NRXN3: variants seen among roughly 807,000 people sequenced by gnomAD.
NRXN3 encodes the protein neurexin III.
NRXN3 carries 32 observed loss-of-function variants against 137.6 expected under a neutral mutation model. The ratio of observed to expected loss-of-function variants is 0.23; its 90% CI spans 0.18 to 0.31. The LOEUF (loss-of-function observed/expected upper bound fraction) is 0.31. Ranked by LOEUF, NRXN3 falls within the 10% of genes least tolerant of loss-of-function variation. The pLI, the probability that NRXN3 is intolerant of heterozygous loss-of-function variation, is 1.00. For synonymous variants in NRXN3, 798 were observed against 784.5 expected (o/e 1.02, Z -0.29); for missense variants, 1,574 against 2,062.5 (o/e 0.76, Z 4.59).
chr14:78,443,980 C>T (rs1023452338), intron 4 of NRXN3, among the ~76,000 whole-genome samples: 1 of 152,084 alleles, frequency 6.6e-6, no homozygotes, highest in Non-Finnish European at 1.5e-5. Flanking sequence ...TTTCACCAAC[C>T]TAATAGTTTT....
intron 4 of NRXN3, among the ~76,000 whole-genome samples, chr14:78,353,050 G>A (rs889914477): frequency 6.6e-6 from 1 of 152,186 alleles, no homozygotes; most frequent in African/African-American, 2.4e-5. Context: ...TGCAAAAGGG[G>A]TAAAATTCTA....
chr14:79,162,569 A>C lies in NRXN3; in HGVS notation c.3262+174428A>C, dbSNP rs557738999. Among the ~76,000 whole-genome samples the C allele has an allele frequency of 5.1e-4, 78 of 151,956 alleles. 3 individuals are homozygous for C. The South Asian group carries it at 0.015, about 29-fold the overall frequency. On this transcript the variant is annotated intron_variant, in intron 15 of 20. Coordinates refer to ENST00000335750, the MANE Select transcript of NRXN3 (RefSeq NM_001330195.2). ...GAACAGACACTTCTCAAAAGAAGAC[A>C]TTTATGCAGCCAAAAAACACATGAA...
chr14:79,022,859 A>T lies in NRXN3; in HGVS notation c.3262+34718A>T, dbSNP rs565308284. ...TTCATTAGCCTTAATCAGGGCCCAC[A>T]TTACCTCAGATCAGGTAATCGGTTA... On this transcript the variant is annotated intron_variant, in intron 15 of 20. Coordinates refer to ENST00000335750, the MANE Select transcript of NRXN3 (RefSeq NM_001330195.2). Among the ~76,000 whole-genome samples, 62 of 152,304 alleles carry T rather than the reference A, an allele frequency of 4.1e-4. No individual in the cohort carries two copies. In the South Asian group the frequency reaches 0.013, roughly 31 times the overall value.
chr14:79,373,392 A>C (rs2094168378), intron 15 of NRXN3, among the ~76,000 whole-genome samples: 1 of 152,218 alleles, frequency 6.6e-6, no homozygotes, highest in South Asian at 2.1e-4. Context: ...GCTGCTGAAC[A>C]ATATGTAATT....
chr14:79,481,951 G>A (rs1263330046), intron 16 of NRXN3, among the ~76,000 whole-genome samples: 4 of 152,112 alleles, frequency 2.6e-5, no homozygotes, highest in African/African-American at 7.2e-5. Context: ...GGGGACATCT[G>A]ATTGTCAGAA....
rs2060464100 is a variant in NRXN3, at chr14:78,188,817, G to T, written c.-704+18143G>T. On this transcript the variant is annotated intron_variant, in intron 1 of 20. Coordinates refer to ENST00000335750, the MANE Select transcript of NRXN3 (RefSeq NM_001330195.2). ...CATACCTACCCTACGGATTCCTACGGGTTGGTTGGGAATATTGAGGAGTTA... is the reference window on the plus strand; with the variant it reads ...CATACCTACCCTACGGATTCCTACGTGTTGGTTGGGAATATTGAGGAGTTA... Among the ~76,000 whole-genome samples the T allele has an allele frequency of 2.6e-5, 4 of 152,076 alleles. No homozygotes were observed. In the South Asian group the frequency reaches 8.3e-4, roughly 32 times the overall value.
At chr14:78,241,782 A>G (rs1025792706) in intron 1 of NRXN3, among the ~76,000 whole-genome samples, 5 of 152,180 alleles carry the variant, frequency 3.3e-5, no homozygotes, top group Non-Finnish European at 7.3e-5. Flanking sequence ...TACAGGAGCT[A>G]GGATTCAAAC....
At chr14:78,921,281 G>A (rs927589414) in intron 10 of NRXN3, among the ~76,000 whole-genome samples, 3 of 152,190 alleles carry the variant, frequency 2.0e-5, no homozygotes, top group Non-Finnish European at 2.9e-5. Flanking sequence ...AAGGCACGGG[G>A]GATACAGTGG....
chr14:79,687,648 G>A (rs551428067), intron 17 of NRXN3, among the ~76,000 whole-genome samples: 66 of 152,264 alleles, frequency 4.3e-4, no homozygotes, highest in East Asian at 1.5e-3. Flanking sequence ...TTGCACAGAC[G>A]AATGTTGTTA....
chr14:79,451,768 T>G (rs2096176922), intron 15 of NRXN3, among the ~76,000 whole-genome samples: 1 of 152,212 alleles, frequency 6.6e-6, no homozygotes, highest in African/African-American at 2.4e-5. Context: ...TGGGTCTGAT[T>G]TGTTCTTACT....
intron 6 of NRXN3, among the ~76,000 whole-genome samples, chr14:78,706,018 T>A (rs2098343670): frequency 6.6e-6 from 1 of 152,156 alleles, no homozygotes; most frequent in African/African-American, 2.4e-5. Flanking sequence ...TCACTGCTCT[T>A]GTATCTTGTT....
chr14:79,463,386 C>CT (rs2096378433), intron 15 of NRXN3, among the ~76,000 whole-genome samples: 1 of 151,830 alleles, frequency 6.6e-6, no homozygotes, highest in Non-Finnish European at 1.5e-5. Context: ...CCAAAACACT[C>CT]TGTCAATATC....
intron 4 of NRXN3, among the ~76,000 whole-genome samples, chr14:78,584,548 T>C (rs966628825): frequency 6.6e-6 from 1 of 152,158 alleles, no homozygotes; most frequent in Admixed American, 6.5e-5. Flanking sequence ...CCCAAACAGC[T>C]CTCCTCCAGC....
chr14:78,208,552 A>G (rs2062432658), intron 1 of NRXN3, among the ~76,000 whole-genome samples: 2 of 152,358 alleles, frequency 1.3e-5, no homozygotes, highest in South Asian at 4.1e-4. Context: ...GTGGACACAG[A>G]TAACACTTCT....
rs368091424 is a variant in NRXN3, at chr14:78,615,775, CA to C, written c.758-29337del. 2.0e-5 allele frequency among the ~76,000 whole-genome samples: 3 copies of C among 151,544 alleles called. No homozygotes were observed. The East Asian group carries it at 5.8e-4, about 29-fold the overall frequency. ...CATGGTGAGACACAGTCTCTACCCC[CA>C]AAAAAAACAAAACAATTAGTTGGAT... On this transcript the variant is annotated intron_variant, in intron 4 of 20. Transcript: ENST00000335750.
At chr14:79,513,244 C>T (rs1049949094) in intron 16 of NRXN3, among the ~76,000 whole-genome samples, 5 of 152,164 alleles carry the variant, frequency 3.3e-5, no homozygotes, top group African/African-American at 1.2e-4. Flanking sequence ...TTTCTTGACT[C>T]GTGCAGTAAT....
chr14:78,233,633 A>G (rs1365203630), intron 1 of NRXN3, among the ~76,000 whole-genome samples: 1 of 148,340 alleles, frequency 6.7e-6, no homozygotes, highest in Non-Finnish European at 1.5e-5. Flanking sequence ...ACAAAATTCT[A>G]TCCTGGAGGG....
At chr14:79,764,230 C>G (rs1051526303) in intron 19 of NRXN3, among the ~76,000 whole-genome samples, 6 of 151,926 alleles carry the variant, frequency 3.9e-5, no homozygotes, top group Non-Finnish European at 4.4e-5. Context: ...CATCTGCCCT[C>G]ATTTTCAACC....
At chr14:79,278,886 G>A (rs1463303510) in intron 15 of NRXN3, among the ~76,000 whole-genome samples, 2 of 152,184 alleles carry the variant, frequency 1.3e-5, no homozygotes, top group Non-Finnish European at 1.5e-5. Flanking sequence ...CCAAGCCACC[G>A]CCAGGCAGGG....
Sources: allele counts gnomAD v4.1 joint callset (sites outside exome capture counted in the v4.1 genomes callset), GRCh38; gene constraint gnomAD v4.1.1; transcripts MANE v1.5; gene names NCBI Gene and HGNC (gene_info 2026-07-23, HGNC 2026-07-21).